The following COBL variants were observed in gnomAD, a reference collection of about 807,000 sequenced individuals.
COBL encodes the protein protein cordon-bleu.
COBL carries 51 observed loss-of-function variants against 98.8 expected under a neutral mutation model. The observed-to-expected ratio is 0.52, with a 90% CI of 0.41 to 0.65. The LOEUF is 0.65. Ranked by LOEUF, COBL falls within the 30% of genes least tolerant of loss-of-function variation. The pLI, the probability that COBL is intolerant of heterozygous loss-of-function variation, is 0.00. For synonymous variants in COBL, 634 were observed against 651.7 expected (o/e 0.97, Z 0.41); for missense variants, 1,617 against 1,617.5 (o/e 1.00, Z 0.01).
chr7:51,148,790 C>T (rs1031483742), intron 5 of COBL, among the ~76,000 whole-genome samples: 9 of 152,218 alleles, frequency 5.9e-5, no homozygotes, highest in South Asian at 2.1e-4. Context: ...GTGCTGGCAG[C>T]GGGGGCTGTA....
intron 1 of COBL, among the ~76,000 whole-genome samples, chr7:51,250,971 G>A (rs1796682953): frequency 6.6e-6 from 1 of 152,140 alleles, no homozygotes; most frequent in South Asian, 2.1e-4. Flanking sequence ...GGTATTACTT[G>A]TTATATTTTA....
intron 12 of COBL, among the ~76,000 whole-genome samples, chr7:51,024,182 G>A (rs1262609951): frequency 6.6e-6 from 1 of 151,904 alleles, no homozygotes; most frequent in Non-Finnish European, 1.5e-5. Context: ...GGTGGCGGGC[G>A]CCTGTAGTCC....
intron 1 of COBL, among the ~76,000 whole-genome samples, chr7:51,278,109 T>G (rs1799476577): frequency 6.6e-6 from 1 of 152,188 alleles, no homozygotes; most frequent in Admixed American, 6.5e-5. Flanking sequence ...TGGCCAGCCT[T>G]GAGTGCCAGC....
At chr7:51,124,505 C>A (rs563817628) in intron 6 of COBL, among the ~76,000 whole-genome samples, 5 of 152,148 alleles carry the variant, frequency 3.3e-5, no homozygotes. Context: ...AATGAGATGG[C>A]CTTTCCAACA....
chr7:51,219,419 G>C (rs562145247), intron 2 of COBL, among the ~76,000 whole-genome samples: 2 of 152,158 alleles, frequency 1.3e-5, no homozygotes, highest in Non-Finnish European at 2.9e-5. Context: ...TGTGGCTGCT[G>C]TCCCACCCAG....
intron 7 of COBL, among the ~76,000 whole-genome samples, chr7:51,048,725 T>C (rs894689246): frequency 3.3e-5 from 5 of 152,242 alleles, no homozygotes; most frequent in Non-Finnish European, 7.3e-5. Flanking sequence ...GCAAGTTGTA[T>C]TAAATTCCTT....
At chr7:51,255,613 G>C (rs1168394703) in intron 1 of COBL, among the ~76,000 whole-genome samples, 1 of 152,170 alleles carries the variant, frequency 6.6e-6, no homozygotes, top group Non-Finnish European at 1.5e-5. Context: ...GCATACTCTA[G>C]CAATGACCAG....
chr7:51,166,697 A>C (rs896983545), intron 5 of COBL, among the ~76,000 whole-genome samples: 3 of 152,146 alleles, frequency 2.0e-5, no homozygotes, highest in Non-Finnish European at 4.4e-5. Flanking sequence ...AAATGCAAAA[A>C]TCCTCAACAA....
At chr7:51,127,395 A>C (rs1322929904) in intron 6 of COBL, among the ~76,000 whole-genome samples, 1 of 152,222 alleles carries the variant, frequency 6.6e-6, no homozygotes, top group Non-Finnish European at 1.5e-5. Flanking sequence ...CTTTGGAAAG[A>C]ATTCTGGAAC....
At chr7:51,104,729 T>A (rs1583807292) in intron 6 of COBL, among the ~76,000 whole-genome samples, 1 of 152,090 alleles carries the variant, frequency 6.6e-6, no homozygotes, top group Non-Finnish European at 1.5e-5. Context: ...ACTACCTAGA[T>A]CTTGGTCTCA....
chr7:51,057,423 G>A (rs561591915), intron 7 of COBL, among the ~76,000 whole-genome samples: 5 of 152,048 alleles, frequency 3.3e-5, no homozygotes, highest in African/African-American at 9.7e-5. Context: ...ATAAGCAGGG[G>A]ACTACTATAC....
At chr7:51,039,230 C>T (rs949073460) in intron 8 of COBL, among the ~76,000 whole-genome samples, 2 of 152,248 alleles carry the variant, frequency 1.3e-5, no homozygotes, top group Admixed American at 6.5e-5. Flanking sequence ...TTCTCTCAAC[C>T]GCCAGAGTCT....
At chr7:51,237,798 A>G (rs1795411323) in intron 1 of COBL, among the ~76,000 whole-genome samples, 1 of 152,210 alleles carries the variant, frequency 6.6e-6, no homozygotes, top group Non-Finnish European at 1.5e-5. Flanking sequence ...GAATAGACCA[A>G]TATTTACATG....
chr7:51,168,432 T>C (rs941657690), intron 5 of COBL, among the ~76,000 whole-genome samples: 14 of 146,760 alleles, frequency 9.5e-5, no homozygotes, highest in African/African-American at 3.7e-4. Context: ...CGAGACTCCG[T>C]TTCAAAAAAA....
At chr7:51,159,697 A>AT (rs1323355228) in intron 5 of COBL, among the ~76,000 whole-genome samples, 4 of 151,878 alleles carry the variant, frequency 2.6e-5, no homozygotes, top group Non-Finnish European at 4.4e-5. Flanking sequence ...ATCTACATTT[A>AT]TTTTTTTCCC....
chr7:51,274,718 T>C (rs908465140), intron 1 of COBL, among the ~76,000 whole-genome samples: 1 of 152,232 alleles, frequency 6.6e-6, no homozygotes, highest in Non-Finnish European at 1.5e-5. Context: ...ATGACTTTCA[T>C]ATGAAAACTC....
chr7:51,086,092 C>T (rs1794210507), intron 6 of COBL, among the ~76,000 whole-genome samples: 1 of 152,112 alleles, frequency 6.6e-6, no homozygotes, highest in African/African-American at 2.4e-5. Flanking sequence ...ACTACATAAT[C>T]CTACTCTCCT....
At chr7:51,236,937 G>C (rs1405681799) in intron 1 of COBL, among the ~76,000 whole-genome samples, 1 of 152,218 alleles carries the variant, frequency 6.6e-6, no homozygotes, top group Non-Finnish European at 1.5e-5. Flanking sequence ...TCACAGCTGA[G>C]CTTGACAGGG....
chr7:51,276,260 G>A (rs1799301320), intron 1 of COBL, among the ~76,000 whole-genome samples: 1 of 152,182 alleles, frequency 6.6e-6, no homozygotes, highest in African/African-American at 2.4e-5. Flanking sequence ...TTTCAGGGAG[G>A]CTGGGGACTG....
Sources: gnomAD v4.1 joint callset for allele counts (sites outside exome capture counted in the v4.1 genomes callset) on GRCh38, gnomAD v4.1.1 for gene constraint, MANE v1.5 for transcripts, NCBI Gene and HGNC (gene_info 2026-07-23, HGNC 2026-07-21) for gene names.